COL6A5: variants seen among roughly 807,000 people sequenced by gnomAD.
The protein encoded by COL6A5 is collagen alpha-5(VI) chain.
In COL6A5, 48 loss-of-function variants were observed where a neutral mutation model predicts 65.6. The ratio of observed to expected loss-of-function variants is 0.73; its 90% CI spans 0.58 to 0.93. The LOEUF (loss-of-function observed/expected upper bound fraction) is 0.93. Ranked by LOEUF, COL6A5 falls within the 40% of genes least tolerant of loss-of-function variation. COL6A5 has a pLI of 0.00. For synonymous variants in COL6A5, 291 were observed against 322.8 expected (o/e 0.90, Z 1.05); for missense variants, 914 against 928.3 (o/e 0.98, Z 0.20).
intron 4 of COL6A5, among the ~76,000 whole-genome samples, chr3:130,450,873 A>G (rs1409834552): frequency 6.6e-6 from 1 of 152,100 alleles, no homozygotes; most frequent in Non-Finnish European, 1.5e-5. Flanking sequence ...GTATCAGAGA[A>G]ACTATTGGAG....
chr3:130,443,999 A>T (rs1709248974), intron 4 of COL6A5, among the ~76,000 whole-genome samples: 1 of 152,098 alleles, frequency 6.6e-6, no homozygotes, highest in Non-Finnish European at 1.5e-5. Flanking sequence ...ACCCAGATTG[A>T]AGCCATTTTA....
intron 1 of COL6A5, among the ~76,000 whole-genome samples, chr3:130,363,301 C>A (rs1935208931): frequency 6.6e-6 from 1 of 152,150 alleles, no homozygotes; most frequent in Non-Finnish European, 1.5e-5. Context: ...CAAATTCACC[C>A]TTACTCATCC....
At chr3:130,388,947 T>G (rs1282767390) in exon 6 of COL6A5, 1 of 1,547,248 alleles carries the variant, frequency 6.5e-7, no homozygotes, top group Non-Finnish European at 8.7e-7. Context: ...CGCAGGATGA[T>G]GTGAGAGATC....
chr3:130,484,286 C>G (rs916742295), exon 8 of COL6A5: 63 of 529,408 alleles, frequency 1.2e-4, no homozygotes, highest in Admixed American at 4.5e-4. Context: ...TTCATTTCTC[C>G]TGAGAACTGG....
chr3:130,469,258 C>T (rs1469259787), exon 6 of COL6A5: 1 of 1,612,900 alleles, frequency 6.2e-7, no homozygotes, highest in East Asian at 2.2e-5. Flanking sequence ...CTGGCGAAAC[C>T]AACTCTTTAG....
At chr3:130,460,437 G>T (rs1709676934) in intron 5 of COL6A5, among the ~76,000 whole-genome samples, 1 of 152,054 alleles carries the variant, frequency 6.6e-6, no homozygotes, top group Non-Finnish European at 1.5e-5. Flanking sequence ...TGTAAACTGG[G>T]GGTTCAGAAT....
At chr3:130,438,831 CTGAA>C (rs1178203583) in intron 1 of COL6A5, among the ~76,000 whole-genome samples, 1 of 152,032 alleles carries the variant, frequency 6.6e-6, no homozygotes, top group Non-Finnish European at 1.5e-5. Flanking sequence ...TATTGACTCA[CTGAA>C]TGAATGAATG....
chr3:130,407,104 G>A (rs1214356981), intron 17 of COL6A5, among the ~76,000 whole-genome samples: 3 of 152,192 alleles, frequency 2.0e-5, no homozygotes, highest in African/African-American at 7.2e-5. Flanking sequence ...AGTCTTCCTG[G>A]AGGAAATGAC....
chr3:130,406,555 G>T (rs1937000113), intron 17 of COL6A5, among the ~76,000 whole-genome samples: 1 of 151,922 alleles, frequency 6.6e-6, no homozygotes, highest in Non-Finnish European at 1.5e-5. Context: ...TGTTCTATGG[G>T]CATGTTTCTC....
intron 3 of COL6A5, among the ~76,000 whole-genome samples, chr3:130,378,768 C>A (rs1313648844): frequency 6.6e-6 from 1 of 151,192 alleles, no homozygotes; most frequent in Non-Finnish European, 1.5e-5. Flanking sequence ...CACATGTGAT[C>A]CTCTCAGAGA....
intron 25 of COL6A5, among the ~76,000 whole-genome samples, 189 bp downstream of exon 25, chr3:130,419,120 G>A (rs1054743651): frequency 6.6e-6 from 1 of 152,066 alleles, no homozygotes; most frequent in African/African-American, 2.4e-5. Context: ...ACGTGAAGGA[G>A]AACAGCAAGC....
At position 130,450,951 on chromosome 3, in the gene COL6A5, C is replaced by T. The variant is rs542628772; in HGVS notation, c.1333-4504C>T. 4.6e-5 allele frequency among the ~76,000 whole-genome samples: 7 copies of T among 152,154 alleles called. No homozygotes were observed. The East Asian group carries it at 1.2e-3, about 25-fold the overall frequency. ...TTTAGCTGAGCCTGCAAACGGGCCT[C>T]CTCTGACCACCAGGTATGAAATTGT... On this transcript the variant is annotated intron_variant, in intron 4 of 7. Transcript: ENST00000512836.
At chr3:130,468,807 A>G (rs749087565) in exon 6 of COL6A5, 3 of 1,607,046 alleles carry the variant, frequency 1.9e-6, no homozygotes, top group South Asian at 2.2e-5. Context: ...CATGAAAATT[A>G]TGGCAGAAAA....
intron 1 of COL6A5, among the ~76,000 whole-genome samples, chr3:130,434,126 C>T (rs1468420042): frequency 2.0e-5 from 3 of 152,070 alleles, no homozygotes; most frequent in Non-Finnish European, 4.4e-5. Context: ...GTGTGTTGTT[C>T]CCTCTCAGTG....
At chr3:130,347,117 A>G (rs1934510085) in intron 1 of COL6A5, among the ~76,000 whole-genome samples, 1 of 152,170 alleles carries the variant, frequency 6.6e-6, no homozygotes, top group Non-Finnish European at 1.5e-5. Flanking sequence ...TCAGTGGCTT[A>G]ACTTAAAATA....
At chr3:130,472,197 A>G (rs1709969567) in intron 7 of COL6A5, among the ~76,000 whole-genome samples, 2 of 152,120 alleles carry the variant, frequency 1.3e-5, no homozygotes, top group African/African-American at 4.8e-5. Flanking sequence ...CAAGGATAGC[A>G]GGTCTCAAGT....
At chr3:130,383,860 T>TA (rs1047820217) in intron 4 of COL6A5, among the ~76,000 whole-genome samples, 4 of 151,786 alleles carry the variant, frequency 2.6e-5, no homozygotes, top group Admixed American at 2.6e-4. Context: ...AGTCTTTTAT[T>TA]AAAAAAAACA....
chr3:130,442,358 G>A (rs979970973), intron 3 of COL6A5, among the ~76,000 whole-genome samples: 1 of 150,000 alleles, frequency 6.7e-6, no homozygotes, highest in Non-Finnish European at 1.5e-5. Context: ...TTGGCTCAGA[G>A]TCATTGGTAT....
At chr3:130,352,974 T>TA (rs1456794233) in intron 1 of COL6A5, among the ~76,000 whole-genome samples, 3 of 152,090 alleles carry the variant, frequency 2.0e-5, no homozygotes. Flanking sequence ...ATTGTAAAGA[T>TA]AAAAAACAAA....
Sources: gnomAD v4.1 joint callset for allele counts (sites outside exome capture counted in the v4.1 genomes callset) on GRCh38, gnomAD v4.1.1 for gene constraint, MANE v1.5 for transcripts, NCBI Gene and HGNC (gene_info 2026-07-23, HGNC 2026-07-21) for gene names.